The following IGFL2 variants were observed in gnomAD, a reference collection of about 807,000 sequenced individuals.
IGFL2 encodes the protein IGF like family member 2.
In IGFL2, 7 loss-of-function variants were observed where a neutral mutation model predicts 13.9. The ratio of observed to expected loss-of-function variants is 0.51; its 90% CI spans 0.29 to 0.95. IGFL2 has a LOEUF of 0.95. Among genes scored for constraint, IGFL2 ranks in the 40% least tolerant of loss-of-function variants. The pLI, the probability that IGFL2 is intolerant of heterozygous loss-of-function variation, is 0.08. For synonymous variants in IGFL2, 55 were observed against 55.8 expected (o/e 0.99, Z 0.07); for missense variants, 138 against 147.8 (o/e 0.93, Z 0.34).
At chr19:46,158,142 G>T (rs985241342) in intron 1 of IGFL2, among the ~76,000 whole-genome samples, 1 of 152,102 alleles carries the variant, frequency 6.6e-6, no homozygotes, top group African/African-American at 2.4e-5. Flanking sequence ...GGAGAGACAT[G>T]CCATTTTCAT....
chr19:46,195,077 A>G, the IGFL2 span: 8 of 148,770 alleles, frequency 5.4e-5, no homozygotes, highest in South Asian at 1.5e-3. Flanking sequence ...GTGCAGTGGC[A>G]TGATCTCAGC....
At chr19:46,176,893 G>T in the IGFL2 span, among the ~76,000 whole-genome samples, 2 of 152,294 alleles carry the variant, frequency 1.3e-5, no homozygotes, top group South Asian at 4.1e-4. Flanking sequence ...CCACATTCAG[G>T]CCAAGTTGGA....
chr19:46,109,877 A>G, the IGFL2 span, among the ~76,000 whole-genome samples: 1 of 152,028 alleles, frequency 6.6e-6, no homozygotes, highest in Non-Finnish European at 1.5e-5. Flanking sequence ...GGCTATTTTC[A>G]CTTCTTTTGT....
In IGFL2 at chr19:46,153,997, A is replaced by C. The variant is rs555760381; in HGVS notation, c.19+5700A>C. Among the ~76,000 whole-genome samples the C allele has an allele frequency of 8.3e-4, 126 of 151,548 alleles. 2 individuals carry two copies. In the Middle Eastern group the frequency reaches 0.017, roughly 20 times the overall value. On this transcript the variant is annotated intron_variant, in intron 1 of 3. Coordinates refer to ENST00000377693, the MANE Select transcript of IGFL2 (RefSeq NM_001135113.2). Reference sequence around the variant, plus strand: ...TGTGCTGCTTCCCTTTTCCCCCAAGACCCTGACAGGCCCCTGGGTGTGATG... The same window carrying C: ...TGTGCTGCTTCCCTTTTCCCCCAAGCCCCTGACAGGCCCCTGGGTGTGATG...
chr19:46,101,614 GTTGCCC>G, the IGFL2 span, among the ~76,000 whole-genome samples: 6 of 152,262 alleles, frequency 3.9e-5, no homozygotes, highest in Admixed American at 3.3e-4. Context: ...AGTGATGGCT[GTTGCCC>G]TTCCCCAGTG....
the IGFL2 span, among the ~76,000 whole-genome samples, chr19:46,109,738 G>A: frequency 6.6e-6 from 1 of 152,198 alleles, no homozygotes; most frequent in African/African-American, 2.4e-5. Context: ...CATTCACAAG[G>A]GTGGGGGAAT....
the IGFL2 span, among the ~76,000 whole-genome samples, chr19:46,091,316 T>C: frequency 1.3e-5 from 2 of 152,168 alleles, no homozygotes; most frequent in African/African-American, 4.8e-5. Flanking sequence ...CACGTTTTAG[T>C]GTGAGGAGGC....
At chr19:46,114,685 C>T in the IGFL2 span, among the ~76,000 whole-genome samples, 1 of 152,172 alleles carries the variant, frequency 6.6e-6, no homozygotes. Flanking sequence ...TTCTCTCTCT[C>T]CTGCCACCAT....
At chr19:46,174,520 A>G in the IGFL2 span, among the ~76,000 whole-genome samples, 3 of 152,228 alleles carry the variant, frequency 2.0e-5, no homozygotes, top group East Asian at 1.9e-4. Flanking sequence ...AAGTTTCCCA[A>G]TCATGGAAAA....
chr19:46,158,686 G>T (rs997733576), intron 1 of IGFL2, among the ~76,000 whole-genome samples: 1 of 152,112 alleles, frequency 6.6e-6, no homozygotes, highest in African/African-American at 2.4e-5. Context: ...AACCAAGCTG[G>T]CAGGTGAGGC....
the IGFL2 span, among the ~76,000 whole-genome samples, chr19:46,192,334 C>T: frequency 6.6e-6 from 1 of 151,858 alleles, no homozygotes; most frequent in Admixed American, 6.6e-5. Context: ...GAAGAATGCT[C>T]GATGCTCAAA....
chr19:46,151,657 C>A (rs117175277), intron 1 of IGFL2, among the ~76,000 whole-genome samples: 5,058 of 152,256 alleles, frequency 0.033, 126 homozygotes, highest in East Asian at 0.071. Flanking sequence ...TGCCTGTAAT[C>A]CCAGCACTTT....
the IGFL2 span, chr19:46,204,267 C>T: frequency 2.0e-5 from 3 of 152,168 alleles, no homozygotes; most frequent in Admixed American, 1.3e-4. Context: ...GGCCAGCCCC[C>T]GGGTGCCTGG....
At chr19:46,207,789 T>G in the IGFL2 span, 1 of 152,228 alleles carries the variant, frequency 6.6e-6, no homozygotes, top group African/African-American at 2.4e-5. Flanking sequence ...TTTAGCTTCA[T>G]GGTAGGAACA....
upstream of IGFL2, among the ~76,000 whole-genome samples, chr19:46,138,162 A>G (rs1332202297): frequency 2.0e-5 from 3 of 152,124 alleles, no homozygotes; most frequent in African/African-American, 7.2e-5. Context: ...AGTTGCTTTA[A>G]TCTTTGAAGT....
intron 1 of IGFL2, among the ~76,000 whole-genome samples, chr19:46,155,962 A>G (rs2146866506): frequency 6.6e-6 from 1 of 152,032 alleles, no homozygotes; most frequent in East Asian, 1.9e-4. Flanking sequence ...CTATCTTGTC[A>G]TTTTCATTTT....
upstream of IGFL2, among the ~76,000 whole-genome samples, chr19:46,142,359 A>T (rs1258358753): frequency 6.6e-6 from 1 of 152,232 alleles, no homozygotes; most frequent in Non-Finnish European, 1.5e-5. Context: ...TTCCTCAAAC[A>T]TTACAAAAAT....
the IGFL2 span, among the ~76,000 whole-genome samples, chr19:46,132,857 G>A: frequency 2.6e-5 from 4 of 152,146 alleles, no homozygotes; most frequent in Non-Finnish European, 2.9e-5. Context: ...ACTGCCTGCT[G>A]AGTTGATCAG....
the IGFL2 span, chr19:46,124,369 A>G: frequency 6.4e-7 from 1 of 1,554,592 alleles, no homozygotes; most frequent in Non-Finnish European, 8.8e-7. Flanking sequence ...GAATGTGACA[A>G]GTATGGAAAA....
Sources: gnomAD v4.1 joint callset for allele counts (sites outside exome capture counted in the v4.1 genomes callset) on GRCh38, gnomAD v4.1.1 for gene constraint, MANE v1.5 for transcripts, NCBI Gene and HGNC (gene_info 2026-07-23, HGNC 2026-07-21) for gene names.